The following RAI14 variants were observed in gnomAD, a reference collection of about 807,000 sequenced individuals.
RAI14 encodes the protein ankycorbin.
RAI14 carries 45 observed loss-of-function variants against 115.4 expected under a neutral mutation model. The ratio of observed to expected loss-of-function variants is 0.39; its 90% CI spans 0.31 to 0.50. RAI14 has a LOEUF of 0.50. Ranked by LOEUF, RAI14 falls within the 20% of genes least tolerant of loss-of-function variation. RAI14 has a pLI of 0.85. For missense variants in RAI14, 939 were observed against 1,131.2 expected, an observed-to-expected ratio of 0.83 and a Z score of 2.44; for synonymous variants, 371 against 415.4, an observed-to-expected ratio of 0.89 and a Z score of 1.30.
chr5:34,748,778 C>G (rs1410491906), intron 2 of RAI14, among the ~76,000 whole-genome samples: 3 of 150,526 alleles, frequency 2.0e-5, no homozygotes, highest in East Asian at 3.9e-4. Flanking sequence ...CCTGGGCAAC[C>G]TAGGGAGACT....
chr5:34,682,319 T>C (rs192737999), intron 1 of RAI14, among the ~76,000 whole-genome samples: 124 of 152,254 alleles, frequency 8.1e-4, no homozygotes, highest in African/African-American at 2.8e-3. Context: ...TGTGCAGCCA[T>C]TACAGCAGTA....
chr5:34,712,389 C>A (rs1037033595), intron 2 of RAI14, among the ~76,000 whole-genome samples: 1 of 152,104 alleles, frequency 6.6e-6, no homozygotes, highest in Non-Finnish European at 1.5e-5. Flanking sequence ...ATGGGAGGAA[C>A]AGGTCAAGTC....
chr5:34,679,700 C>A (rs1744249201), intron 1 of RAI14, among the ~76,000 whole-genome samples: 1 of 151,978 alleles, frequency 6.6e-6, no homozygotes, highest in Non-Finnish European at 1.5e-5. Context: ...ACAAGGACAG[C>A]AGTAATGAGA....
chr5:34,693,994 T>C (rs1207234577), intron 2 of RAI14, among the ~76,000 whole-genome samples: 1 of 152,190 alleles, frequency 6.6e-6, no homozygotes, highest in Non-Finnish European at 1.5e-5. Flanking sequence ...GTGGTGCCAG[T>C]AAAACATCTC....
Position 34,665,144 on chromosome 5 carries a change from C to CTGTGT in RAI14, c.-49+8669_-49+8670insTGTGT, listed in dbSNP as rs1561220955. On this transcript the variant is annotated intron_variant, in intron 1 of 17. Coordinates refer to ENST00000265109, the MANE Select transcript of RAI14 (RefSeq NM_015577.3). ...ATATATGTATGTGTATATATATACACATATATATGTGTGTGTATATATATA... is the reference window on the plus strand; with the variant it reads ...ATATATGTATGTGTATATATATACACTGTGTATATATATGTGTGTGTATATATATA... 3.7e-3 allele frequency among the ~76,000 whole-genome samples: 92 copies of CTGTGT among 24,988 alleles called. 35 individuals carry two copies. Among genetic ancestry groups the CTGTGT allele is most frequent in the South Asian group, 9.9e-3 (2 of 202 alleles). 16.4% of individuals were successfully genotyped at this position (24,988 alleles called of 152,430 possible). A position where few individuals can be genotyped will look rare whatever the true frequency, so the allele number is the denominator to read the frequency against.
intron 1 of RAI14, among the ~76,000 whole-genome samples, chr5:34,686,605 TA>T (rs1199591768): frequency 2.0e-5 from 3 of 152,170 alleles, no homozygotes; most frequent in Non-Finnish European, 2.9e-5. Context: ...TTTTACACCA[TA>T]AAAGTATATA....
intron 2 of RAI14, among the ~76,000 whole-genome samples, chr5:34,742,426 C>T (rs162914): frequency 0.7 from 106,796 of 152,068 alleles, 37,954 homozygotes; most frequent in Middle Eastern, 0.81. Context: ...GTAGGGAATA[C>T]CTAAAAGCAT....
intron 13 of RAI14, among the ~76,000 whole-genome samples, chr5:34,819,420 A>G (rs185404612): frequency 1.0e-3 from 155 of 152,282 alleles, no homozygotes; most frequent in African/African-American, 3.6e-3. Flanking sequence ...ACATTATTTC[A>G]TGAAGGGAGA....
intron 11 of RAI14, 139 bp from the exon 12 acceptor site, chr5:34,814,444 C>T (rs1755945586): frequency 3.1e-6 from 2 of 636,804 alleles, no homozygotes; most frequent in Admixed American, 2.7e-5. Flanking sequence ...AAATATTCTA[C>T]CCGTGAATTA....
chr5:34,755,527 G>C (rs537532800), intron 2 of RAI14, among the ~76,000 whole-genome samples: 2 of 152,206 alleles, frequency 1.3e-5, no homozygotes, highest in South Asian at 4.2e-4. Flanking sequence ...TTGACATTTT[G>C]GGCCAGATTA....
intron 2 of RAI14, among the ~76,000 whole-genome samples, chr5:34,744,105 A>C (rs1031205139): frequency 6.6e-6 from 1 of 152,232 alleles, no homozygotes; most frequent in Non-Finnish European, 1.5e-5. Flanking sequence ...GCTGCTTATG[A>C]TGCTCAGACA....
rs896480711 is a variant in RAI14 at position 34,688,121 on chromosome 5, C to G, written c.36+1166C>G. On this transcript the variant is annotated intron_variant, in intron 2 of 17. Coordinates refer to ENST00000265109, the MANE Select transcript of RAI14 (RefSeq NM_015577.3). Reference sequence around the variant, plus strand: ...AAGAGACTTCGACAAAGACAGAAAACTAGCTGTTGGCCAGAGTGAAAGTCC... The same window carrying G: ...AAGAGACTTCGACAAAGACAGAAAAGTAGCTGTTGGCCAGAGTGAAAGTCC... 4.6e-6 allele frequency: 7 copies of G among 1,509,916 alleles called. No individual in the cohort carries two copies. In the African/African-American group the frequency reaches 9.9e-5, roughly 21 times the overall value. 93.5% of individuals were successfully genotyped at this position (1,509,916 alleles called of 1,614,324 possible).
chr5:34,673,408 T>C (rs1184373185), intron 1 of RAI14, among the ~76,000 whole-genome samples: 1 of 152,222 alleles, frequency 6.6e-6, no homozygotes, highest in East Asian at 1.9e-4. Flanking sequence ...AAGGGGACAT[T>C]GTAGGTCATC....
At chr5:34,812,303 A>G (rs112990724) in intron 10 of RAI14, 95 bp downstream of exon 10, 165,301 of 1,063,836 alleles carry the variant, frequency 0.16, 14,840 homozygotes, top group South Asian at 0.18. Context: ...TAGTAAAGTA[A>G]TAAAGACTAT....
chr5:34,672,679 T>G (rs911803957), intron 1 of RAI14, among the ~76,000 whole-genome samples: 2 of 152,116 alleles, frequency 1.3e-5, no homozygotes, highest in Non-Finnish European at 2.9e-5. Flanking sequence ...GAGTGATGCC[T>G]TGGTTAGGTG....
At position 34,713,052 on chromosome 5, in the gene RAI14, T is replaced by A. The variant is rs552711383; in HGVS notation, c.36+26097T>A. On this transcript the variant is annotated intron_variant, in intron 2 of 17. Coordinates refer to ENST00000265109, the MANE Select transcript of RAI14 (RefSeq NM_015577.3). ...TTGAATTCTGAAAACAAACACTTTT[T>A]ATGGGTTGGTGGGGCGCAAAACATT... Among the ~76,000 whole-genome samples the A allele has an allele frequency of 7.6e-4, 116 of 152,264 alleles. 1 individual carries two copies. The highest frequency in any genetic ancestry group is 2.8e-3 in the African/African-American group (116 of 41,550).
intron 1 of RAI14, among the ~76,000 whole-genome samples, chr5:34,663,804 G>A (rs764806764): frequency 1.3e-5 from 2 of 152,192 alleles, no homozygotes; most frequent in Non-Finnish European, 2.9e-5. Flanking sequence ...AACAAAGTGC[G>A]AAGTCGAAGT....
At chr5:34,699,601 A>G (rs956276210) in intron 2 of RAI14, among the ~76,000 whole-genome samples, 4 of 152,080 alleles carry the variant, frequency 2.6e-5, no homozygotes, top group Non-Finnish European at 5.9e-5. Flanking sequence ...CAGTCCCCCT[A>G]TTTCTAAACA....
At chr5:34,747,065 G>A (rs537021929) in intron 2 of RAI14, among the ~76,000 whole-genome samples, 5 of 152,282 alleles carry the variant, frequency 3.3e-5, no homozygotes, top group South Asian at 2.1e-4. Context: ...AAATCCAATT[G>A]AACCTCTTTT....
Sources: gnomAD v4.1 joint callset for allele counts (sites outside exome capture counted in the v4.1 genomes callset) on GRCh38, gnomAD v4.1.1 for gene constraint, MANE v1.5 for transcripts, NCBI Gene and HGNC (gene_info 2026-07-23, HGNC 2026-07-21) for gene names.